Variants in SLC2A13 observed in about 807,000 individuals in gnomAD.
SLC2A13 encodes the protein proton myo-inositol cotransporter.
In SLC2A13, 32 loss-of-function variants were observed where a neutral mutation model predicts 64.4. The ratio of observed to expected loss-of-function variants is 0.50; its 90% CI spans 0.37 to 0.67. The LOEUF is 0.67. Among genes scored for constraint, SLC2A13 ranks in the 30% least tolerant of loss-of-function variants. The pLI is 0.00. For synonymous variants in SLC2A13, 338 were observed against 327.1 expected, an observed-to-expected ratio of 1.03 and a Z score of -0.36; for missense variants, 743 against 829.2, an observed-to-expected ratio of 0.90 and a Z score of 1.28.
At chr12:39,770,488 G>A (rs1422415387) in intron 7 of SLC2A13, among the ~76,000 whole-genome samples, 1 of 152,152 alleles carries the variant, frequency 6.6e-6, no homozygotes, top group Non-Finnish European at 1.5e-5. Context: ...AGCAATAACA[G>A]TTATGAACAA....
chr12:40,026,085 T>C (rs1005506720), intron 3 of SLC2A13, among the ~76,000 whole-genome samples: 1 of 152,244 alleles, frequency 6.6e-6, no homozygotes, highest in African/African-American at 2.4e-5. Context: ...CCATGTAATC[T>C]GGCAAATCTG....
At position 39,871,833 on chromosome 12, in the gene SLC2A13, A is replaced by G. The variant is rs751949518; in HGVS notation, c.1163T>C (p.Val388Ala). ...ACCAAAGGTAAGCTTTCTGCGGCCC[A>G]CCTTCTCAACAAGCCAGACTCCCAC... ...TLVGVWLVEK[V>A]GRRKLTFGSL... The change falls in exon 5 of 10, where the codon GTG becomes GCG. Residue 388 changes from valine to alanine, a missense_variant. Transcript: ENST00000280871. 5.0e-6 allele frequency: 8 copies of G among 1,612,000 alleles called. No homozygotes were observed. The East Asian group carries it at 1.8e-4, about 36-fold the overall frequency.
intron 7 of SLC2A13, among the ~76,000 whole-genome samples, chr12:39,766,919 A>G (rs1418604686): frequency 6.6e-6 from 1 of 152,060 alleles, no homozygotes; most frequent in Non-Finnish European, 1.5e-5. Flanking sequence ...TTTCTCCCCT[A>G]AAGTCTTCAG....
chr12:39,870,859 G>A (rs1467313787), intron 5 of SLC2A13, among the ~76,000 whole-genome samples: 1 of 152,170 alleles, frequency 6.6e-6, no homozygotes. Context: ...TGATAACTGG[G>A]TTTGGAACTT....
At chr12:40,002,209 T>TTATTA (rs1947331402) in intron 3 of SLC2A13, among the ~76,000 whole-genome samples, 1 of 152,256 alleles carries the variant, frequency 6.6e-6, no homozygotes, top group Non-Finnish European at 1.5e-5. Context: ...GCCTAAGAAC[T>TTATTA]TTGTGTGCAC....
chr12:39,760,914 C>T (rs748209631), intron 9 of SLC2A13, among the ~76,000 whole-genome samples: 11 of 57,512 alleles, frequency 1.9e-4, no homozygotes, highest in African/African-American at 3.6e-4. Flanking sequence ...AATTGAATTC[C>T]GACCAGCCTG....
At chr12:39,838,086 C>T (rs1314519299) in intron 6 of SLC2A13, among the ~76,000 whole-genome samples, 4 of 148,018 alleles carry the variant, frequency 2.7e-5, no homozygotes, top group Non-Finnish European at 5.9e-5. Context: ...GACTTGGAAC[C>T]AACCCAAATG....
intron 1 of SLC2A13, among the ~76,000 whole-genome samples, chr12:40,060,203 T>C (rs1419387944): frequency 6.6e-6 from 1 of 152,148 alleles, no homozygotes; most frequent in Non-Finnish European, 1.5e-5. Context: ...GGATGATGAA[T>C]GGATGACAGG....
At chr12:39,992,702 T>C (rs986517008) in intron 3 of SLC2A13, among the ~76,000 whole-genome samples, 1 of 152,046 alleles carries the variant, frequency 6.6e-6, no homozygotes, top group Admixed American at 6.6e-5. Context: ...TTCTTAGTAG[T>C]AGTAGTATTA....
At chr12:39,934,258 A>G (rs1164325526) in intron 4 of SLC2A13, among the ~76,000 whole-genome samples, 1 of 152,234 alleles carries the variant, frequency 6.6e-6, no homozygotes, top group African/African-American at 2.4e-5. Flanking sequence ...ACAACTAGCA[A>G]TTCCTAAAAC....
At chr12:40,040,505 C>T (rs901061202) in intron 2 of SLC2A13, among the ~76,000 whole-genome samples, 1 of 152,144 alleles carries the variant, frequency 6.6e-6, no homozygotes, top group Admixed American at 6.5e-5. Context: ...ATTCTCCCAC[C>T]TCAGCCTCCT....
intron 4 of SLC2A13, among the ~76,000 whole-genome samples, chr12:39,916,040 T>C (rs531709722): frequency 6.6e-6 from 1 of 152,036 alleles, no homozygotes; most frequent in Admixed American, 6.6e-5. Flanking sequence ...TCTGCCACCA[T>C]TGAGAATATT....
At chr12:39,900,285 C>T (rs1212735752) in intron 4 of SLC2A13, among the ~76,000 whole-genome samples, 2 of 152,106 alleles carry the variant, frequency 1.3e-5, no homozygotes, top group African/African-American at 4.8e-5. Flanking sequence ...TGGCACAAGA[C>T]AGGGATGCCC....
At chr12:39,772,190 A>G (rs887175076) in intron 7 of SLC2A13, among the ~76,000 whole-genome samples, 1 of 152,180 alleles carries the variant, frequency 6.6e-6, no homozygotes, top group Non-Finnish European at 1.5e-5. Context: ...ACAAGGGTCA[A>G]GAGCACAGGG....
In SLC2A13 at chr12:40,030,711, G is replaced by GT. The variant is rs201166968; in HGVS notation, c.717-2203dup. ...ATCCCAGGATGCAGTATTTTTACAA[G>GT]TTTTTTTTTAAACAGAAAAAAAGAC... On this transcript the variant is annotated intron_variant, in intron 2 of 9. Transcript: ENST00000280871. Among the ~76,000 whole-genome samples the GT allele has an allele frequency of 8.3e-3, 1,253 of 151,344 alleles. 16 individuals are homozygous for GT. The highest frequency in any genetic ancestry group is 0.026 in the African/African-American group (1,089 of 41,214).
chr12:39,985,340 C>T (rs1679450805), intron 3 of SLC2A13, among the ~76,000 whole-genome samples: 1 of 152,008 alleles, frequency 6.6e-6, no homozygotes, highest in Non-Finnish European at 1.5e-5. Context: ...CCAAGTTAGC[C>T]ATTATTTGCA....
chr12:39,789,343 T>G (rs1276669531), intron 7 of SLC2A13, among the ~76,000 whole-genome samples: 1 of 152,186 alleles, frequency 6.6e-6, no homozygotes, highest in Non-Finnish European at 1.5e-5. Flanking sequence ...TTTCTTAATA[T>G]TATGCTTTTG....
chr12:39,861,282 A>G (rs1222570455), intron 6 of SLC2A13, among the ~76,000 whole-genome samples: 1 of 152,234 alleles, frequency 6.6e-6, no homozygotes, highest in Non-Finnish European at 1.5e-5. Context: ...TTATGTGCCA[A>G]GCACTGTTTA....
intron 7 of SLC2A13, among the ~76,000 whole-genome samples, chr12:39,798,472 A>G (rs1465662376): frequency 6.6e-6 from 1 of 152,268 alleles, no homozygotes; most frequent in Non-Finnish European, 1.5e-5. Flanking sequence ...GAGATACCTT[A>G]ATGAACAGTA....
Sources: allele counts gnomAD v4.1 joint callset (sites outside exome capture counted in the v4.1 genomes callset), GRCh38; gene constraint gnomAD v4.1.1; transcripts MANE v1.5; gene names NCBI Gene and HGNC (gene_info 2026-07-23, HGNC 2026-07-21).